The following INSL6 variants were observed in gnomAD, a reference collection of about 807,000 sequenced individuals.
INSL6 encodes insulin-like peptide INSL6.
In INSL6, 16 loss-of-function variants were observed where a neutral mutation model predicts 9.4. That is an observed-to-expected ratio of 1.70 (90% confidence interval 1.15 to 2.59). The LOEUF (loss-of-function observed/expected upper bound fraction) is 2.59, where lower values mean the gene tolerates loss of function less well. INSL6 is among the 30% of genes most tolerant of loss of function. The pLI, the probability that INSL6 is intolerant of heterozygous loss-of-function variation, is 0.00. For synonymous variants in INSL6, 154 were observed against 96.9 expected (o/e 1.59, Z -3.46); for missense variants, 391 against 257.3 (o/e 1.52, Z -3.56).
the INSL6 span, chr9:5,085,964 AC>A: frequency 1.8e-6 from 2 of 1,103,152 alleles, no homozygotes; most frequent in Non-Finnish European, 2.8e-6. Context: ...TGTATTTCTC[AC>A]CACTGTGTGT....
intron 2 of INSL6, among the ~76,000 whole-genome samples, chr9:5,151,149 T>G (rs1824706383): frequency 1.3e-5 from 2 of 152,158 alleles, no homozygotes; most frequent in South Asian, 4.1e-4. Flanking sequence ...ACTATTCATG[T>G]GATGGTGATA....
At position 5,164,185 on chromosome 9, in the gene INSL6, G is replaced by T; in HGVS notation, c.370C>A (p.Pro124Thr). The change falls in exon 2 of 2, where the codon CCC (proline) becomes ACC (threonine). Residue 124 changes from proline (P) to threonine (T), a missense_variant. By Grantham distance (38) the Pro-to-Thr change is conservative (BLOSUM62 -1). Transcript: ENST00000381641. ...GAAAATTCTCTTGTCTTACCAAGGG[G>T]TGAATATCCCTTTTTATCCTTATAC... ...PEYKDKKGYS[P>T]LGKTREFSSS... The T allele has an allele frequency of 6.2e-7, 1 of 1,606,936 alleles. No individual in the cohort carries two copies. Among genetic ancestry groups the T allele is most frequent in the Non-Finnish European group, 8.5e-7 (1 of 1,177,050 alleles).
the INSL6 span, among the ~76,000 whole-genome samples, chr9:5,059,285 A>G: frequency 2.6e-5 from 4 of 152,196 alleles, no homozygotes; most frequent in Non-Finnish European, 5.9e-5. Context: ...AGTTTTATCT[A>G]TTAATAAAGG....
At chr9:5,090,591 T>G in the INSL6 span, 1 of 1,551,984 alleles carries the variant, frequency 6.4e-7, no homozygotes, top group African/African-American at 1.4e-5. Context: ...TCCTGATTAT[T>G]TGCTGTAGAT....
the INSL6 span, among the ~76,000 whole-genome samples, chr9:5,019,566 A>G: frequency 6.6e-6 from 1 of 152,100 alleles, no homozygotes; most frequent in Non-Finnish European, 1.5e-5. Context: ...TTGGTAGAAA[A>G]TTATTTTGAT....
At chr9:5,034,184 G>A in the INSL6 span, among the ~76,000 whole-genome samples, 2 of 152,172 alleles carry the variant, frequency 1.3e-5, no homozygotes, top group East Asian at 1.9e-4. Context: ...TCAACAAAAA[G>A]AGCTAACTGT....
chr9:5,097,144 T>G, the INSL6 span: 1 of 152,164 alleles, frequency 6.6e-6, no homozygotes, highest in Non-Finnish European at 1.5e-5. Flanking sequence ...TTAGGAGCCA[T>G]TAACTTTATT....
At chr9:5,027,166 G>T in the INSL6 span, among the ~76,000 whole-genome samples, 2 of 152,172 alleles carry the variant, frequency 1.3e-5, no homozygotes, top group African/African-American at 4.8e-5. Flanking sequence ...AAAAATATCT[G>T]CTTGAAAGAG....
At chr9:5,036,713 A>C in the INSL6 span, among the ~76,000 whole-genome samples, 5 of 152,204 alleles carry the variant, frequency 3.3e-5, no homozygotes, top group Admixed American at 6.5e-5. Context: ...AAATTAATTC[A>C]AGATGGATTA....
the INSL6 span, among the ~76,000 whole-genome samples, chr9:5,042,287 G>A: frequency 4.0e-5 from 6 of 151,654 alleles, no homozygotes; most frequent in Non-Finnish European, 8.8e-5. Context: ...ACAGGCGCCC[G>A]CCACCGCGCC....
the INSL6 span, among the ~76,000 whole-genome samples, chr9:5,027,880 T>C: frequency 1.3e-5 from 2 of 152,196 alleles, no homozygotes; most frequent in Non-Finnish European, 2.9e-5. Context: ...CTTCTAATTT[T>C]AGTTCTCTTG....
chr9:5,062,618 TGC>T, the INSL6 span, among the ~76,000 whole-genome samples: 1 of 150,818 alleles, frequency 6.6e-6, no homozygotes, highest in Admixed American at 6.6e-5. Flanking sequence ...GTTAGTGAAC[TGC>T]TAGTTCAAAG....
the INSL6 span, among the ~76,000 whole-genome samples, chr9:5,106,411 A>G: frequency 6.6e-6 from 1 of 152,212 alleles, no homozygotes; most frequent in South Asian, 2.1e-4. Flanking sequence ...ATGCTGGAGA[A>G]GATGTGGCGA....
At chr9:5,160,658 G>C (rs1824906849), downstream of INSL6, among the ~76,000 whole-genome samples, 1 of 152,062 alleles carries the variant, frequency 6.6e-6, no homozygotes, top group Non-Finnish European at 1.5e-5. Flanking sequence ...CACAAAGTTG[G>C]TTTTTAGAAG....
At chr9:5,152,211 T>C (rs1824726852) in intron 2 of INSL6, among the ~76,000 whole-genome samples, 1 of 152,130 alleles carries the variant, frequency 6.6e-6, no homozygotes, top group South Asian at 2.1e-4. Context: ...CATAGAACAA[T>C]GAATAACACT....
chr9:5,123,389 T>G (rs1031991744), downstream of INSL6, among the ~76,000 whole-genome samples: 1 of 151,988 alleles, frequency 6.6e-6, no homozygotes, highest in Non-Finnish European at 1.5e-5. Flanking sequence ...AGCTCCCGCT[T>G]ATAAGTGAAA....
At chr9:5,139,649 G>C (rs1824451371) in intron 2 of INSL6, among the ~76,000 whole-genome samples, 1 of 152,126 alleles carries the variant, frequency 6.6e-6, no homozygotes, top group Non-Finnish European at 1.5e-5. Flanking sequence ...GAGAATCAGA[G>C]ATTTAGTTGA....
the INSL6 span, chr9:5,114,506 G>C: frequency 3.4e-5 from 16 of 470,238 alleles, no homozygotes; most frequent in African/African-American, 2.4e-4. Flanking sequence ...AGGTCTACGT[G>C]TTTGCAACGC....
At chr9:5,004,747 G>C in the INSL6 span, among the ~76,000 whole-genome samples, 13 of 151,922 alleles carry the variant, frequency 8.6e-5, no homozygotes, top group African/African-American at 2.9e-4. Context: ...TTCCCACCAA[G>C]AGTATACAAG....
Sources: allele counts gnomAD v4.1 joint callset (sites outside exome capture counted in the v4.1 genomes callset), GRCh38; gene constraint gnomAD v4.1.1; transcripts MANE v1.5; gene names NCBI Gene and HGNC (gene_info 2026-07-23, HGNC 2026-07-21).